The following TRHDE variants were observed in gnomAD, a reference collection of about 807,000 sequenced individuals.
The protein encoded by TRHDE is thyrotropin-releasing hormone-degrading ectoenzyme.
Under a neutral mutation model 125.7 loss-of-function variants are expected in TRHDE, and 72 were observed. That is an observed-to-expected ratio of 0.57 (90% confidence interval 0.47 to 0.70). The LOEUF (loss-of-function observed/expected upper bound fraction) is 0.70. TRHDE is among the 30% of genes least tolerant of loss of function. The pLI is 0.00. For missense variants in TRHDE, 1,110 were observed against 1,327.1 expected, an observed-to-expected ratio of 0.84 and a Z score of 2.54; for synonymous variants, 509 against 509.1, an observed-to-expected ratio of 1.00 and a Z score of 0.00.
intron 10 of TRHDE, among the ~76,000 whole-genome samples, chr12:72,571,941 T>A (rs1870751819): frequency 6.8e-6 from 1 of 146,250 alleles, no homozygotes; most frequent in South Asian, 2.2e-4. Context: ...AAAGTTGGCT[T>A]CCTTTGCTTC....
At chr12:72,293,297 G>C (rs536054868) in intron 2 of TRHDE, among the ~76,000 whole-genome samples, 5 of 152,078 alleles carry the variant, frequency 3.3e-5, no homozygotes, top group Non-Finnish European at 5.9e-5. Context: ...ACTCTGGGTT[G>C]TCTGTTTACT....
At position 72,377,990 on chromosome 12, in the gene TRHDE, A is replaced by T; in HGVS notation, c.1189-5A>T. The stretch of plus-strand genomic sequence containing the variant: ...AAAGTAACTTTTATATATATTTTTA[A>T]TTAGGTACGATTATATGCAAGACCT... On this transcript the variant is annotated splice_polypyrimidine_tract_variant and splice_region_variant and intron_variant, in intron 2 of 18. Transcript: ENST00000261180. The T allele has an allele frequency of 1.9e-6, 3 of 1,563,530 alleles. No homozygotes were observed. Among genetic ancestry groups the T allele is most frequent in the Non-Finnish European group, 2.6e-6 (3 of 1,160,938 alleles).
intron 5 of TRHDE, among the ~76,000 whole-genome samples, chr12:72,483,845 C>T (rs958204020): frequency 6.6e-6 from 1 of 151,910 alleles, no homozygotes; most frequent in Non-Finnish European, 1.5e-5. Context: ...GATAGATTGA[C>T]AATTCATATC....
intron 12 of TRHDE, among the ~76,000 whole-genome samples, chr12:72,612,673 C>T (rs1328670229): frequency 2.0e-5 from 3 of 152,086 alleles, no homozygotes; most frequent in Admixed American, 6.5e-5. Flanking sequence ...AAATTTAGAC[C>T]GTCTTTTCAT....
intron 2 of TRHDE, among the ~76,000 whole-genome samples, chr12:72,150,645 G>A (rs181614401): frequency 7.2e-4 from 106 of 148,186 alleles, no homozygotes; most frequent in Non-Finnish European, 1.0e-3. Flanking sequence ...GAGAACATGC[G>A]GTGTTTGGTT....
intron 6 of TRHDE, among the ~76,000 whole-genome samples, chr12:72,502,108 A>T (rs949538912): frequency 2.0e-5 from 3 of 152,002 alleles, no homozygotes; most frequent in Admixed American, 2.0e-4. Context: ...TATTGATCTC[A>T]AAAAGCATCC....
At chr12:72,124,758 A>C (rs1875673553) in intron 2 of TRHDE, among the ~76,000 whole-genome samples, 1 of 152,114 alleles carries the variant, frequency 6.6e-6, no homozygotes, top group Admixed American at 6.6e-5. Flanking sequence ...TGAACTGTAC[A>C]TGTTTGCAGG....
intron 3 of TRHDE, among the ~76,000 whole-genome samples, chr12:72,452,166 T>C (rs588786): frequency 6.7e-6 from 1 of 149,182 alleles, no homozygotes; most frequent in African/African-American, 2.6e-5. Context: ...GTATTCTGCC[T>C]TATTGGTTAT....
intron 6 of TRHDE, among the ~76,000 whole-genome samples, chr12:72,541,576 C>T (rs1245016442): frequency 6.6e-6 from 1 of 151,410 alleles, no homozygotes; most frequent in Non-Finnish European, 1.5e-5. Flanking sequence ...AATGATTAGA[C>T]AATTTGAAAT....
At chr12:72,549,188 A>T (rs529092620) in intron 7 of TRHDE, among the ~76,000 whole-genome samples, 1 of 151,988 alleles carries the variant, frequency 6.6e-6, no homozygotes, top group South Asian at 2.1e-4. Flanking sequence ...GAAGGTAATG[A>T]CAGGCACAAA....
chr12:72,120,076 C>T (rs1304673076), intron 2 of TRHDE, among the ~76,000 whole-genome samples: 9 of 149,512 alleles, frequency 6.0e-5, no homozygotes, highest in African/African-American at 1.5e-4. Flanking sequence ...TTTTTTGAGA[C>T]GGAGTCTTGC....
chr12:72,455,558 T>G (rs901149133), intron 3 of TRHDE, among the ~76,000 whole-genome samples: 3 of 152,126 alleles, frequency 2.0e-5, no homozygotes, highest in Non-Finnish European at 4.4e-5. Context: ...GAATCTTTAA[T>G]GGATGGATTT....
chr12:72,347,682 G>A (rs1456362687), intron 2 of TRHDE, among the ~76,000 whole-genome samples: 1 of 152,006 alleles, frequency 6.6e-6, no homozygotes, highest in Admixed American at 6.6e-5. Context: ...GCTGGAGGCT[G>A]CCCTGAGTCC....
intron 1 of TRHDE, among the ~76,000 whole-genome samples, chr12:72,101,804 A>G (rs1437569932): frequency 6.6e-6 from 1 of 152,242 alleles, no homozygotes; most frequent in African/African-American, 2.4e-5. Context: ...TGGTAAAGAC[A>G]GAACAGGCTG....
rs557904508 is a variant in TRHDE at position 72,626,068 on chromosome 12, G to C, written c.2675+4317G>C. Among the ~76,000 whole-genome samples the C allele has an allele frequency of 2.6e-3, 392 of 151,988 alleles. 2 individuals are homozygous for C. Among genetic ancestry groups the C allele is most frequent in the African/African-American group, 9.0e-3 (372 of 41,522 alleles). ...CTCTGAGTTTCTGATTTAGTAGGTA[G>C]AATGAGGCCCAAGGTTTTGTATTTT... On this transcript the variant is annotated intron_variant, in intron 15 of 18. Transcript: ENST00000261180.
At chr12:72,624,335 G>A (rs2136081232) in intron 15 of TRHDE, among the ~76,000 whole-genome samples, 1 of 151,906 alleles carries the variant, frequency 6.6e-6, no homozygotes, top group East Asian at 1.9e-4. Context: ...CTTAAATAGA[G>A]TGATTTACAA....
intron 2 of TRHDE, among the ~76,000 whole-genome samples, chr12:72,364,038 A>G (rs1296077479): frequency 6.6e-6 from 1 of 152,098 alleles, no homozygotes; most frequent in African/African-American, 2.4e-5. Flanking sequence ...CAAAGAGAAT[A>G]AAATAGCTAG....
chr12:72,438,768 G>A (rs1874862975), intron 3 of TRHDE, among the ~76,000 whole-genome samples: 1 of 151,788 alleles, frequency 6.6e-6, no homozygotes, highest in Admixed American at 6.6e-5. Context: ...CCATGCAGAA[G>A]TTTTTTGGTT....
chr12:72,397,627 AT>A (rs577354464), intron 3 of TRHDE, among the ~76,000 whole-genome samples: 47 of 152,030 alleles, frequency 3.1e-4, no homozygotes, highest in Non-Finnish European at 1.3e-4. Flanking sequence ...CATCACTTTT[AT>A]TTCCCTCAGA....
Sources: gnomAD v4.1 joint callset for allele counts (sites outside exome capture counted in the v4.1 genomes callset) on GRCh38, gnomAD v4.1.1 for gene constraint, MANE v1.5 for transcripts, NCBI Gene and HGNC (gene_info 2026-07-23, HGNC 2026-07-21) for gene names.